ADD3: variants seen among roughly 807,000 people sequenced by gnomAD.
The protein encoded by ADD3 is gamma-adducin.
Under a neutral mutation model 80.2 loss-of-function variants are expected in ADD3, and 25 were observed. That is an observed-to-expected ratio of 0.31 (90% CI 0.23 to 0.44). The LOEUF is 0.44. Ranked by LOEUF, ADD3 falls within the 20% of genes least tolerant of loss-of-function variation. The pLI is 1.00. For synonymous variants in ADD3, 284 were observed against 289.6 expected (o/e 0.98, Z 0.20); for missense variants, 829 against 847.5 (o/e 0.98, Z 0.27).
At chr10:110,040,606 A>T (rs1409187036) in intron 1 of ADD3, among the ~76,000 whole-genome samples, 1 of 152,296 alleles carries the variant, frequency 6.6e-6, no homozygotes, top group East Asian at 1.9e-4. Flanking sequence ...TCTGTGGGAA[A>T]TAGGGAGCCA....
intron 1 of ADD3, among the ~76,000 whole-genome samples, chr10:110,083,911 A>G (rs1351217577): frequency 6.6e-6 from 1 of 152,222 alleles, no homozygotes; most frequent in African/African-American, 2.4e-5. Context: ...AGAGATCAAA[A>G]GTAGACACAA....
At chr10:110,031,364 A>G (rs1429120838) in intron 1 of ADD3, among the ~76,000 whole-genome samples, 1 of 152,214 alleles carries the variant, frequency 6.6e-6, no homozygotes, top group Non-Finnish European at 1.5e-5. Flanking sequence ...TTTAGGTAAA[A>G]TCATGAATCC....
At chr10:110,112,413 CCT>C (rs1396655796) in intron 2 of ADD3, 3 of 167,718 alleles carry the variant, frequency 1.8e-5, no homozygotes, top group Non-Finnish European at 3.8e-5. Context: ...AGCCACCACG[CCT>C]GACCAGGGAC....
In ADD3 at chr10:110,122,426, T is replaced by C. The variant is rs558342189; in HGVS notation, c.1143+134T>C. On this transcript the variant is annotated intron_variant, in intron 9 of 14. Transcript: ENST00000356080. ...GCCCTAGGAAAGCATTTCATTGTTA[T>C]TTAACCACACCTTTGAGAATTAAAC... 2.2e-5 allele frequency: 16 copies of C among 720,864 alleles called. No individual in the cohort carries two copies. In the East Asian group the frequency reaches 3.0e-4, roughly 13 times the overall value. 44.7% of individuals were successfully genotyped at this position (720,864 alleles called of 1,614,324 possible).
chr10:110,002,872 G>T (rs948465403), upstream of ADD3, among the ~76,000 whole-genome samples: 4 of 152,088 alleles, frequency 2.6e-5, no homozygotes, highest in African/African-American at 9.7e-5. Flanking sequence ...AAACCATATA[G>T]GTCACATAGT....
chr10:110,108,672 TTA>T (rs373114357), intron 2 of ADD3, among the ~76,000 whole-genome samples: 183 of 152,290 alleles, frequency 1.2e-3, no homozygotes, highest in African/African-American at 4.3e-3. Flanking sequence ...TATATTAGTC[TTA>T]TATTAGTAAT....
intron 1 of ADD3, among the ~76,000 whole-genome samples, chr10:109,999,110 G>A (rs375144789): frequency 1.3e-5 from 2 of 152,142 alleles, no homozygotes; most frequent in East Asian, 1.9e-4. Flanking sequence ...ACAGTGACTG[G>A]AAGTGTGGCA....
At chr10:110,028,241 G>T (rs934370041) in intron 1 of ADD3, among the ~76,000 whole-genome samples, 3 of 152,196 alleles carry the variant, frequency 2.0e-5, no homozygotes, top group Non-Finnish European at 4.4e-5. Flanking sequence ...GACAGGAAAA[G>T]AGAGGAGAAA....
At chr10:110,037,264 A>G (rs1349349925) in intron 1 of ADD3, among the ~76,000 whole-genome samples, 1 of 152,208 alleles carries the variant, frequency 6.6e-6, no homozygotes, top group Non-Finnish European at 1.5e-5. Flanking sequence ...ACTGGCATGA[A>G]ATTTTGTGAC....
chr10:110,107,910 C>A (rs1447905711), intron 2 of ADD3, among the ~76,000 whole-genome samples: 1 of 152,134 alleles, frequency 6.6e-6, no homozygotes, highest in African/African-American at 2.4e-5. Context: ...GGTCTTGAAT[C>A]TGTTACCCTG....
At chr10:110,011,868 A>T (rs1248121439) in intron 1 of ADD3, among the ~76,000 whole-genome samples, 4 of 152,226 alleles carry the variant, frequency 2.6e-5, no homozygotes, top group African/African-American at 9.7e-5. Flanking sequence ...GAGGTCTTTC[A>T]GGTTCTGCCA....
intron 2 of ADD3, among the ~76,000 whole-genome samples, chr10:110,110,386 C>G (rs1279232917): frequency 6.6e-6 from 1 of 152,136 alleles, no homozygotes; most frequent in Admixed American, 6.5e-5. Context: ...CTTCCCTGCC[C>G]CATGGTAGAA....
At chr10:110,085,839 C>T (rs1244901758) in intron 1 of ADD3, among the ~76,000 whole-genome samples, 1 of 152,196 alleles carries the variant, frequency 6.6e-6, no homozygotes, top group African/African-American at 2.4e-5. Flanking sequence ...GGCATGGTGG[C>T]TCACGCCTGT....
intron 1 of ADD3, among the ~76,000 whole-genome samples, chr10:109,999,782 T>C (rs993550961): frequency 6.6e-6 from 1 of 152,200 alleles, no homozygotes; most frequent in African/African-American, 2.4e-5. Flanking sequence ...ACGACAGTTA[T>C]TTATTGAACA....
At chr10:110,011,084 CTT>C (rs35981424) in intron 1 of ADD3, among the ~76,000 whole-genome samples, 17 of 142,344 alleles carry the variant, frequency 1.2e-4, no homozygotes, top group Admixed American at 1.4e-4. Context: ...ATACTAAAGT[CTT>C]TTTTTTTTTT....
intron 1 of ADD3, among the ~76,000 whole-genome samples, chr10:110,097,756 A>G (rs548888725): frequency 6.7e-6 from 1 of 149,384 alleles, no homozygotes; most frequent in East Asian, 1.9e-4. Context: ...AGTTCCTTAC[A>G]GTTCCTTAGT....
chr10:110,086,989 A>T (rs1180411457), intron 1 of ADD3, among the ~76,000 whole-genome samples: 1 of 152,056 alleles, frequency 6.6e-6, no homozygotes, highest in Non-Finnish European at 1.5e-5. Context: ...GTATGTACAC[A>T]TGGCAAGAAA....
intron 1 of ADD3, among the ~76,000 whole-genome samples, chr10:110,019,799 A>G (rs565238612): frequency 3.3e-4 from 50 of 152,326 alleles, no homozygotes; most frequent in South Asian, 6.2e-4. Context: ...CAAGAAACCT[A>G]TGATTGTACT....
At chr10:110,115,987 C>G (rs1470136945) in intron 3 of ADD3, among the ~76,000 whole-genome samples, 1 of 152,114 alleles carries the variant, frequency 6.6e-6, no homozygotes, top group Admixed American at 6.5e-5. Flanking sequence ...CATTTTTCCC[C>G]AGTGGTGTGA....
Sources: gnomAD v4.1 joint callset for allele counts (sites outside exome capture counted in the v4.1 genomes callset) on GRCh38, gnomAD v4.1.1 for gene constraint, MANE v1.5 for transcripts, NCBI Gene and HGNC (gene_info 2026-07-23, HGNC 2026-07-21) for gene names.